Variants in UBXN8 observed in about 807,000 individuals in gnomAD.
The protein encoded by UBXN8 is UBX domain protein 8, also known as UBX domain-containing protein 8.
A neutral mutation model predicts 32.1 loss-of-function variants in UBXN8; 27 were observed. The observed-to-expected ratio is 0.84, with a 90% CI of 0.62 to 1.16. The LOEUF (loss-of-function observed/expected upper bound fraction) is 1.16, where lower values mean the gene tolerates loss of function less well. UBXN8 is among the 50% of genes most tolerant of loss of function. The pLI is 0.00. For synonymous variants in UBXN8, 109 were observed against 111.8 expected (o/e 0.98, Z 0.16); for missense variants, 306 against 311.4 (o/e 0.98, Z 0.13).
intron 6 of UBXN8, among the ~76,000 whole-genome samples, chr8:30,761,421 T>C (rs1371677488): frequency 6.6e-6 from 1 of 152,016 alleles, no homozygotes; most frequent in Non-Finnish European, 1.5e-5. Context: ...GTTTTTGTAT[T>C]TTTAGTAGAG....
At chr8:30,732,539 G>T, upstream of UBXN8, 1 of 318,776 alleles carries the variant, frequency 3.1e-6, no homozygotes, top group Non-Finnish European at 5.7e-6. Context: ...TATTAGCTAA[G>T]CCTTTGTATG....
chr8:30,745,474 C>G (rs1235124129), intron 1 of UBXN8, among the ~76,000 whole-genome samples: 3 of 152,134 alleles, frequency 2.0e-5, no homozygotes, highest in African/African-American at 7.2e-5. Flanking sequence ...AAGTTAGAGA[C>G]CATAATGAAA....
intron 5 of UBXN8, among the ~76,000 whole-genome samples, chr8:30,758,583 G>A (rs73585353): frequency 6.6e-6 from 1 of 152,116 alleles, no homozygotes; most frequent in Non-Finnish European, 1.5e-5. Context: ...AGATTTCCTG[G>A]TCCCATAGTG....
In UBXN8 at chr8:30,762,296, C is replaced by T. The variant is rs565994022; in HGVS notation, c.571-977C>T. On this transcript the variant is annotated intron_variant, in intron 6 of 7. Transcript: ENST00000265616. ...TCTCAGTGTTTTGCTCAGGCTGGTCCGACTCCTGGTCTCAAGTGATCCTCT... is the reference window on the plus strand; with the variant it reads ...TCTCAGTGTTTTGCTCAGGCTGGTCTGACTCCTGGTCTCAAGTGATCCTCT... Among the ~76,000 whole-genome samples the T allele has an allele frequency of 8.6e-5, 13 of 152,024 alleles. No individual in the cohort carries two copies. In the South Asian group the frequency reaches 1.5e-3, roughly 17 times the overall value.
intron 1 of UBXN8, among the ~76,000 whole-genome samples, chr8:30,749,046 A>C (rs1472128750): frequency 2.0e-5 from 3 of 152,186 alleles, no homozygotes; most frequent in Non-Finnish European, 4.4e-5. Context: ...TGTATTATGC[A>C]AAGTAGGTAG....
chr8:30,756,626 T>C (rs1200306560), intron 4 of UBXN8, 139 bp from the exon 5 acceptor site: 5 of 1,238,248 alleles, frequency 4.0e-6, no homozygotes, highest in Non-Finnish European at 5.5e-6. Flanking sequence ...CTTTAATTTT[T>C]TGGGTCTCAT....
chr8:30,752,953 C>A (rs2128754478), intron 2 of UBXN8, 82 bp from the exon 3 acceptor site: 1 of 1,406,990 alleles, frequency 7.1e-7, no homozygotes, highest in Non-Finnish European at 9.3e-7. Context: ...TTTTTTCTTT[C>A]TTTTGATACA....
intron 1 of UBXN8, among the ~76,000 whole-genome samples, chr8:30,746,469 T>C (rs2128753148): frequency 6.6e-6 from 1 of 151,212 alleles, no homozygotes; most frequent in South Asian, 2.1e-4. Flanking sequence ...TTTTCTACTG[T>C]GTAAAAACCT....
chr8:30,746,094 T>C (rs1166127187), intron 1 of UBXN8, among the ~76,000 whole-genome samples: 1 of 152,178 alleles, frequency 6.6e-6, no homozygotes, highest in African/African-American at 2.4e-5. Context: ...GAATTTGTTT[T>C]TGTATTCCCA....
At chr8:30,744,969 A>G (rs1805326819) in intron 1 of UBXN8, among the ~76,000 whole-genome samples, 1 of 152,098 alleles carries the variant, frequency 6.6e-6, no homozygotes, top group South Asian at 2.1e-4. Context: ...TTATTATCTC[A>G]TTTAATCTGC....
chr8:30,758,887 T>G (rs1298075826), intron 5 of UBXN8, among the ~76,000 whole-genome samples: 8 of 128,618 alleles, frequency 6.2e-5, no homozygotes, highest in East Asian at 4.4e-4. Context: ...TTTTGTTTGT[T>G]TTTTTTGTTT....
rs964445960 is a variant in UBXN8, at chr8:30,750,670, G to A, written c.89-726G>A. 2.0e-5 allele frequency among the ~76,000 whole-genome samples: 3 copies of A among 151,862 alleles called. No individual in the cohort carries two copies. The East Asian group carries it at 5.8e-4, about 29-fold the overall frequency. Reference sequence around the variant, plus strand: ...CACCTGTAGTCCCAGCTACTCGGGAGGCTGAAGCAGGAGAATGGCATGAAC... The same window carrying A: ...CACCTGTAGTCCCAGCTACTCGGGAAGCTGAAGCAGGAGAATGGCATGAAC... On this transcript the variant is annotated intron_variant, in intron 1 of 7. Transcript: ENST00000265616.
intron 7 of UBXN8, 83 bp downstream of exon 7, chr8:30,763,430 A>T: frequency 7.6e-7 from 1 of 1,322,892 alleles, no homozygotes; most frequent in Non-Finnish European, 1.1e-6. Context: ...GGAAGGTGTG[A>T]TCACACTGTC....
upstream of UBXN8, chr8:30,732,270 G>A (rs1368490811): frequency 1.0e-5 from 4 of 396,834 alleles, no homozygotes; most frequent in East Asian, 1.1e-4. Flanking sequence ...GACACCCCAC[G>A]GCAGTCGGGT....
At chr8:30,758,878 TTTG>T (rs1459770404) in intron 5 of UBXN8, among the ~76,000 whole-genome samples, 2 of 126,634 alleles carry the variant, frequency 1.6e-5, no homozygotes, top group African/African-American at 6.1e-5. Context: ...AAATGTTTTT[TTTG>T]TTTGTTTTTT....
chr8:30,761,629 T>C (rs1162382847), intron 6 of UBXN8, among the ~76,000 whole-genome samples: 8 of 152,038 alleles, frequency 5.3e-5, no homozygotes, highest in East Asian at 1.9e-4. Flanking sequence ...TCCGAGCACT[T>C]TGGGAGGCCA....
chr8:30,745,599 G>A (rs1257190951), intron 1 of UBXN8, among the ~76,000 whole-genome samples: 7 of 152,164 alleles, frequency 4.6e-5, no homozygotes, highest in African/African-American at 1.4e-4. Context: ...TTAAAAAAAT[G>A]TACAAAGACT....
intron 1 of UBXN8, among the ~76,000 whole-genome samples, chr8:30,747,887 ATTTTTTCTTTTT>A (rs1288579544): frequency 2.5e-5 from 1 of 40,738 alleles, no homozygotes; most frequent in Admixed American, 2.8e-4. Context: ...TTTAATATAT[ATTTTTTCTTTTT>A]TTTTTTTTTT....
intron 1 of UBXN8, among the ~76,000 whole-genome samples, chr8:30,737,796 C>T (rs561418500): frequency 3.9e-5 from 6 of 151,996 alleles, no homozygotes; most frequent in Non-Finnish European, 5.9e-5. Context: ...TGCAGTGAGC[C>T]GTGATTGTAC....
Sources: gnomAD v4.1 joint callset for allele counts (sites outside exome capture counted in the v4.1 genomes callset) on GRCh38, gnomAD v4.1.1 for gene constraint, MANE v1.5 for transcripts, NCBI Gene and HGNC (gene_info 2026-07-23, HGNC 2026-07-21) for gene names.